Variants in ITPKB observed in about 807,000 individuals in gnomAD.
ITPKB encodes inositol-trisphosphate 3-kinase B, also known as IP3 3-kinase B.
In ITPKB, 13 loss-of-function variants were observed where a neutral mutation model predicts 69.4. The ratio of observed to expected loss-of-function variants is 0.19; its 90% confidence interval spans 0.12 to 0.30. The LOEUF is 0.30. Among genes scored for constraint, ITPKB ranks in the 10% least tolerant of loss-of-function variants. The probability of loss-of-function intolerance (pLI) is 1.00; values close to 1 mark genes in which losing one functional copy is unlikely to be tolerated. For missense variants in ITPKB, 1,240 were observed against 1,250.5 expected (o/e 0.99, Z 0.13); for synonymous variants, 584 against 513.7 (o/e 1.14, Z -1.85).
At chr1:226,721,170 C>T (rs1318676343) in intron 2 of ITPKB, among the ~76,000 whole-genome samples, 3 of 149,760 alleles carry the variant, frequency 2.0e-5, no homozygotes, top group African/African-American at 7.4e-5. Flanking sequence ...ATGGAGAAAC[C>T]CCGTCTCTAC....
At chr1:226,710,579 G>C (rs1656923043) in intron 2 of ITPKB, among the ~76,000 whole-genome samples, 1 of 152,234 alleles carries the variant, frequency 6.6e-6, no homozygotes, top group South Asian at 2.1e-4. Flanking sequence ...TCCTCTACCA[G>C]GTGCTGGGCC....
intron 2 of ITPKB, among the ~76,000 whole-genome samples, chr1:226,673,298 CAG>C (rs1366021988): frequency 1.3e-5 from 2 of 152,270 alleles, no homozygotes; most frequent in East Asian, 3.9e-4. Context: ...TGCTTGAACA[CAG>C]GGGTAGAGGC....
intron 2 of ITPKB, chr1:226,669,198 C>G (rs1669563126): frequency 6.6e-6 from 1 of 152,132 alleles, no homozygotes; most frequent in Middle Eastern, 3.2e-3. Flanking sequence ...GGTGGATCAC[C>G]TGAGGTCAGG....
intron 2 of ITPKB, chr1:226,656,710 C>T (rs754253139): frequency 3.3e-5 from 5 of 152,276 alleles, no homozygotes; most frequent in African/African-American, 9.6e-5. Flanking sequence ...AGGATGATGA[C>T]GCAGAATGCA....
chr1:226,738,336 C>A lies in ITPKB; in HGVS notation c.-205-673G>T, dbSNP rs1347309712. 6.6e-6 allele frequency among the ~76,000 whole-genome samples: 1 copy of A among 152,170 alleles called. No individual in the cohort carries two copies. The highest frequency in any genetic ancestry group is 1.9e-4 in the East Asian group (1 of 5,178). On this transcript the variant is annotated intron_variant, in intron 1 of 7. Transcript: ENST00000429204. This position sits in a 1 kb window ranked among gnomAD's most constrained non-coding sequence, Gnocchi z 4.2. ...GCCGCAGCCGAAGCATTTTTCAGGG[C>A]TAGCCTTGTCGCCTATCCCTAGACA...
intron 2 of ITPKB, among the ~76,000 whole-genome samples, chr1:226,652,941 G>T (rs1425988713): frequency 6.6e-6 from 1 of 152,142 alleles, no homozygotes; most frequent in Non-Finnish European, 1.5e-5. Flanking sequence ...TAAGCTGGCT[G>T]AGTAGTACTG....
At chr1:226,672,053 G>C (rs1455457678) in intron 2 of ITPKB, among the ~76,000 whole-genome samples, 1 of 152,188 alleles carries the variant, frequency 6.6e-6, no homozygotes, top group Non-Finnish European at 1.5e-5. Context: ...AGGCGAGAAA[G>C]GGTGAAAACA....
chr1:226,724,786 G>A (rs527274586), intron 2 of ITPKB, among the ~76,000 whole-genome samples: 22 of 152,168 alleles, frequency 1.4e-4, no homozygotes, highest in Non-Finnish European at 1.5e-4. Context: ...CTGGTCAATC[G>A]GGGTCCTCCC....
chr1:226,703,590 T>A (rs1656729069), intron 2 of ITPKB, among the ~76,000 whole-genome samples: 1 of 152,184 alleles, frequency 6.6e-6, no homozygotes, highest in South Asian at 2.1e-4. Context: ...TCTCCCGGCA[T>A]GCTCGGCGGC....
chr1:226,729,568 G>A (rs992158171), intron 2 of ITPKB, among the ~76,000 whole-genome samples: 1 of 150,850 alleles, frequency 6.6e-6, no homozygotes, highest in East Asian at 2.0e-4. Context: ...CTATCGAAAA[G>A]TTTTTGTTTT....
chr1:226,736,365 T>C lies in ITPKB; in HGVS notation c.1094A>G (p.Asp365Gly), dbSNP rs1657762113. The change falls in exon 2 of 8, where the codon GAT becomes GGT. Residue 365 changes from aspartate (D) to glycine (G), a missense_variant. Physicochemically the swap from Asp to Gly is moderately conservative, Grantham distance 94. This residue lies in a region of ITPKB where 992 missense variants were observed against 853.8 expected (regional missense o/e 1.16). Transcript: ENST00000429204. ...CCCCATCTTCCCAGGGGGTTCTCCA[T>C]CGCGGGGCCCGCCCCTTTCTGGGGC... is the stretch of plus-strand genomic sequence containing the variant. ...SPAPERGGPR[D>G]GEPPGKMGKG... 6.2e-7 allele frequency: 1 copy of C among 1,612,500 alleles called. No homozygotes were observed. The highest frequency in any genetic ancestry group is 8.5e-7 in the Non-Finnish European group (1 of 1,179,816).
rs1171470782 is a variant in ITPKB, at chr1:226,631,836, C to T, written c.*2835G>A. The T allele has an allele frequency of 6.6e-6, 1 of 152,196 alleles. No homozygotes were observed. The highest frequency in any genetic ancestry group is 2.4e-5 in the African/African-American group (1 of 41,338). The allele number at this position is 152,196 out of a possible 1,614,324, so 9.4% of individuals were successfully genotyped here. On this transcript the variant is annotated 3_prime_UTR_variant, in exon 8 of 8. Coordinates refer to ENST00000429204, the MANE Select transcript of ITPKB (RefSeq NM_002221.4). ...CCTCTCGGCAGGCGGGGGGGGTCCT[C>T]TCCTCCAGAACAAAAGGCACTGACG... is the stretch of plus-strand genomic sequence containing the variant.
At chr1:226,723,256 G>A (rs1369103100) in intron 2 of ITPKB, among the ~76,000 whole-genome samples, 1 of 152,130 alleles carries the variant, frequency 6.6e-6, no homozygotes, top group African/African-American at 2.4e-5. Flanking sequence ...GACTTGGGAA[G>A]TCCTGGGTAG....
intron 3 of ITPKB, 112 bp from the exon 4 acceptor site, chr1:226,647,492 A>C (rs1282929878): frequency 1.1e-5 from 8 of 747,872 alleles, no homozygotes; most frequent in Non-Finnish European, 1.8e-5. Context: ...CTGGGGCTGA[A>C]GGTGTGTCTA....
intron 2 of ITPKB, among the ~76,000 whole-genome samples, chr1:226,658,258 C>T (rs1405256036): frequency 5.3e-5 from 8 of 152,342 alleles, no homozygotes; most frequent in Middle Eastern, 3.4e-3. Flanking sequence ...AGAGTGGAGG[C>T]GGTGGCCAAC....
At chr1:226,711,173 A>C (rs957375079) in intron 2 of ITPKB, among the ~76,000 whole-genome samples, 1 of 152,118 alleles carries the variant, frequency 6.6e-6, no homozygotes, top group African/African-American at 2.4e-5. Context: ...GGTGCTCATA[A>C]ATAGGACAAA....
intron 2 of ITPKB, among the ~76,000 whole-genome samples, chr1:226,670,231 G>T (rs1209519706): frequency 1.4e-5 from 2 of 147,672 alleles, no homozygotes; most frequent in Admixed American, 1.3e-4. Flanking sequence ...TAGTGTTGGT[G>T]AGGAGGAGAG....
intron 2 of ITPKB, among the ~76,000 whole-genome samples, chr1:226,713,551 G>A (rs898126375): frequency 2.0e-5 from 3 of 152,208 alleles, no homozygotes; most frequent in South Asian, 2.1e-4. Flanking sequence ...GGCCAGAGTC[G>A]TGGTCTGGAG....
rs1421249417 is a variant in ITPKB, at chr1:226,725,681, A to T, written c.1932+9846T>A. Among the ~76,000 whole-genome samples, 13 of 152,030 alleles carry T rather than the reference A, an allele frequency of 8.6e-5. No homozygotes were observed. In the East Asian group the frequency reaches 1.3e-3, roughly 16 times the overall value. On this transcript the variant is annotated intron_variant, in intron 2 of 7. Transcript: ENST00000429204. ...CTGCTTTGGGGCCCCCTCCTTGCTCACTCCAGCCTTCCCTGGTGTCTGTTA... is the reference window on the plus strand; with the variant it reads ...CTGCTTTGGGGCCCCCTCCTTGCTCTCTCCAGCCTTCCCTGGTGTCTGTTA...
Sources: gnomAD v4.1 joint callset for allele counts (sites outside exome capture counted in the v4.1 genomes callset) on GRCh38, gnomAD v4.1.1 for gene constraint, gnomAD v4.1.1 regional missense constraint, Gnocchi (gnomAD v3.1) non-coding constraint, MANE v1.5 for transcripts, NCBI Gene and HGNC (gene_info 2026-07-23, HGNC 2026-07-21) for gene names.